PHF8: variants seen among roughly 807,000 people sequenced by gnomAD.
PHF8 encodes PHD finger protein 8.
PHF8 carries 9 observed loss-of-function variants against 74.4 expected under a neutral mutation model. That is an observed-to-expected ratio of 0.12 (90% CI 0.07 to 0.21). PHF8 has a LOEUF of 0.21. Among genes scored for constraint, PHF8 ranks in the 10% least tolerant of loss-of-function variants. PHF8 has a pLI of 1.00. For synonymous variants in PHF8, 311 were observed against 316.6 expected, an observed-to-expected ratio of 0.98 and a Z score of 0.19; for missense variants, 478 against 816.6, an observed-to-expected ratio of 0.59 and a Z score of 5.05.
At chrX:54,041,789 G>A (rs1284795293) in intron 2 of PHF8, among the ~76,000 whole-genome samples, 1 of 112,537 alleles carries the variant, frequency 8.9e-6, no homozygotes, top group Admixed American at 9.4e-5. Context: ...CATTTATGGA[G>A]TACATCCAAA....
At chrX:54,023,325 TAAAAA>T (rs1210499878) in intron 2 of PHF8, among the ~76,000 whole-genome samples, 2 of 106,153 alleles carry the variant, frequency 1.9e-5, no homozygotes, top group South Asian at 8.0e-4. Context: ...CGAAAAAGAC[TAAAAA>T]AAAAAATTTA....
intron 19 of PHF8, among the ~76,000 whole-genome samples, chrX:53,954,049 GTA>G (rs1248085036): frequency 2.7e-5 from 3 of 111,562 alleles, no homozygotes; most frequent in African/African-American, 9.8e-5. Flanking sequence ...CATCAACAAG[GTA>G]TAACAATTAC....
intron 19 of PHF8, among the ~76,000 whole-genome samples, chrX:53,947,893 G>A (rs2064854434): frequency 9.0e-6 from 1 of 111,729 alleles, no homozygotes; most frequent in African/African-American, 3.3e-5. Context: ...AGTCTTTTGT[G>A]TCCTCCCAGG....
chrX:53,990,079 G>A (rs1319020957), intron 14 of PHF8, among the ~76,000 whole-genome samples: 2 of 111,904 alleles, frequency 1.8e-5, no homozygotes, highest in South Asian at 3.8e-4. Context: ...CATGTCTGTA[G>A]TATCAGCTAA....
At chrX:53,971,312 G>T (rs2065286833) in intron 18 of PHF8, among the ~76,000 whole-genome samples, 3 of 111,438 alleles carry the variant, frequency 2.7e-5, no homozygotes, top group Non-Finnish European at 5.6e-5. Context: ...CAATGTATGA[G>T]AATCTCTGGG....
chrX:54,026,172 G>A (rs1463641852), intron 2 of PHF8, among the ~76,000 whole-genome samples: 8 of 110,317 alleles, frequency 7.3e-5, no homozygotes, highest in African/African-American at 2.3e-4. Flanking sequence ...TGGTCAACAT[G>A]GTGAAACCCC....
chrX:53,962,699 GAC>G, intron 19 of PHF8, 143 bp downstream of exon 19: 1 of 510,310 alleles, frequency 2.0e-6, no homozygotes, highest in African/African-American at 2.3e-5. Flanking sequence ...CACAGTGCCT[GAC>G]ACACAGCAGA....
rs2064733594 is a variant in PHF8, at chrX:53,940,404, G to A, written c.2762C>T (p.Thr921Ile). 1 of 1,205,147 alleles carries A rather than the reference G, an allele frequency of 8.3e-7. No homozygotes were observed. The highest frequency in any genetic ancestry group is 1.1e-6 in the Non-Finnish European group (1 of 889,871). ...SNLSLTVPAP[T>I]VAATPQLVTS... The stretch of plus-strand genomic sequence containing the variant: ...GACAAGTTGTGGTGTGGCAGCCACA[G>A]TGGGGGCTGGTACTGTCAGACTGAG... The change falls in exon 21 of 22, where the codon ACT becomes ATT. Residue 921 changes from threonine (T) to isoleucine (I), a missense_variant. Coordinates refer to ENST00000338154, the MANE Select transcript of PHF8 (RefSeq NM_015107.3).
intron 19 of PHF8, among the ~76,000 whole-genome samples, chrX:53,948,440 T>G (rs1056722541): frequency 9.1e-6 from 1 of 110,395 alleles, no homozygotes; most frequent in Admixed American, 9.6e-5. Flanking sequence ...GCCCGGCTAA[T>G]TTTTGTATTT....
upstream of PHF8, among the ~76,000 whole-genome samples, chrX:54,047,660 C>T (rs182562638): frequency 4.5e-5 from 5 of 111,686 alleles, no homozygotes; most frequent in African/African-American, 1.6e-4. Flanking sequence ...GACAAGTCCC[C>T]GCCCTCCTGT....
chrX:54,034,246 A>G (rs2066411759), intron 2 of PHF8, among the ~76,000 whole-genome samples: 1 of 111,827 alleles, frequency 8.9e-6, no homozygotes, highest in African/African-American at 3.2e-5. Flanking sequence ...ACATGGCTTA[A>G]TCAAATTCCT....
At position 53,995,682 on chromosome X, in the gene PHF8, A is replaced by T; in HGVS notation, c.1323+11T>A. 8.8e-7 allele frequency: 1 copy of T among 1,141,791 alleles called. No individual in the cohort carries two copies. The highest frequency in any genetic ancestry group is 1.2e-6 in the Non-Finnish European group (1 of 832,385). The allele number at this position is 1,141,791 out of a possible 1,213,427, so 94.1% of individuals were successfully genotyped here. A position where few individuals can be genotyped will look rare whatever the true frequency, so the allele number is the denominator to read the frequency against. On this transcript the variant is annotated intron_variant, in intron 12 of 21. Transcript: ENST00000338154. ...CCAAATGCCTTTTCTTCCCTGCCCC[A>T]TGCTCCTTACTTCCACCAGGCGGAT...
At chrX:53,939,580 C>T (rs2064718356) in intron 21 of PHF8, among the ~76,000 whole-genome samples, 1 of 111,312 alleles carries the variant, frequency 9.0e-6, no homozygotes, top group South Asian at 3.8e-4. Context: ...TCCTACCCAC[C>T]AGGACTGGAC....
upstream of PHF8, among the ~76,000 whole-genome samples, chrX:54,045,833 T>C (rs1421603453): frequency 1.8e-5 from 2 of 112,078 alleles, no homozygotes; most frequent in African/African-American, 6.5e-5. Flanking sequence ...ACATGAAAGA[T>C]TGCGAAATGC....
intron 2 of PHF8, among the ~76,000 whole-genome samples, chrX:54,036,639 G>C (rs1177268827): frequency 2.0e-5 from 2 of 97,647 alleles, no homozygotes; most frequent in Admixed American, 2.3e-4. Flanking sequence ...CATGAAAAGG[G>C]AAAATGTAAC....
intron 19 of PHF8, among the ~76,000 whole-genome samples, chrX:53,949,811 CA>C (rs11353359): frequency 0.13 from 3,198 of 23,976 alleles, 42 homozygotes; most frequent in African/African-American, 0.28. Flanking sequence ...GACTCCGTCT[CA>C]AAAAAAAAAA....
At chrX:53,959,485 A>AG (rs2065067252) in intron 19 of PHF8, among the ~76,000 whole-genome samples, 1 of 111,258 alleles carries the variant, frequency 9.0e-6, no homozygotes, top group Non-Finnish European at 1.9e-5. Context: ...ATTCAGCTTT[A>AG]GATTTACTTC....
intron 19 of PHF8, among the ~76,000 whole-genome samples, chrX:53,953,286 A>C (rs2064957251): frequency 9.7e-6 from 1 of 103,343 alleles, no homozygotes; most frequent in Non-Finnish European, 2.0e-5. Context: ...AAAAAAAAAA[A>C]CAAAACAACA....
Position 54,014,509 on chromosome X carries a change from T to C in PHF8, c.651A>G (p.Glu217=), listed in dbSNP as rs782403703. ...PKIVRKLSWV[E]NLWPEECVFE... ...AGACACATTCCTCTGGCCACAAGTT[T>C]TCGACCCATGACAGCTTTCGAACAA... Residue 217 remains glutamate, a synonymous_variant, in exon 7 of 22, where the codon GAA becomes GAG. Transcript: ENST00000338154. 13 of 1,206,409 alleles carry C rather than the reference T, an allele frequency of 1.1e-5. No homozygotes were observed. The highest frequency in any genetic ancestry group is 1.5e-5 in the Non-Finnish European group (13 of 892,238).
Sources: allele counts gnomAD v4.1 joint callset (sites outside exome capture counted in the v4.1 genomes callset), GRCh38; gene constraint gnomAD v4.1.1; transcripts MANE v1.5; gene names NCBI Gene and HGNC (gene_info 2026-07-23, HGNC 2026-07-21).